The following TMEM115 variants were observed in gnomAD, a reference collection of about 807,000 sequenced individuals.
TMEM115 encodes the protein PP6.
TMEM115 carries 8 observed loss-of-function variants against 20.1 expected under a neutral mutation model. The ratio of observed to expected loss-of-function variants is 0.40; its 90% CI spans 0.23 to 0.72. The LOEUF (loss-of-function observed/expected upper bound fraction) is 0.72. Among genes scored for constraint, TMEM115 ranks in the 30% least tolerant of loss-of-function variants. The probability of loss-of-function intolerance (pLI) is 0.39; values close to 1 mark genes in which losing one functional copy is unlikely to be tolerated. For missense variants in TMEM115, 374 were observed against 455.1 expected, an observed-to-expected ratio of 0.82 and a Z score of 1.62; for synonymous variants, 229 against 206.2, an observed-to-expected ratio of 1.11 and a Z score of -0.95.
In TMEM115 at chr3:50,358,841, C is replaced by A; in HGVS notation, c.223G>T (p.Val75Leu). Residue 75 changes from valine to leucine, a missense_variant, in exon 1 of 2, where the codon GTG becomes TTG. Val to Leu is a conservative substitution (Grantham distance 32). Coordinates refer to ENST00000266025, the MANE Select transcript of TMEM115 (RefSeq NM_007024.5). ...HGLMEQHVWD[V>L]AISLTTVVVA... ...ACCACCGTTGTCAGGCTGATGGCCA[C>A]GTCCCACACATGCTGCTCCATCAGC... The A allele has an allele frequency of 6.2e-7, 1 of 1,613,292 alleles. No homozygotes were observed. The highest frequency in any genetic ancestry group is 1.3e-5 in the African/African-American group (1 of 75,064).
At position 50,358,807 on chromosome 3, in the gene TMEM115, C is replaced by T. The variant is rs774126700; in HGVS notation, c.257G>A (p.Gly86Glu). The T allele has an allele frequency of 6.2e-7, 1 of 1,613,248 alleles. No homozygotes were observed. The highest frequency in any genetic ancestry group is 8.5e-7 in the Non-Finnish European group (1 of 1,180,036). ...AISLTTVVVA[G>E]RLLEPLWGAL... ...CCCCCAGAGGGGCTCCAGCAAACGC[C>T]CGGCCACCACCACCGTTGTCAGGCT... The change falls in exon 1 of 2, where the codon GGG becomes GAG. Residue 86 changes from glycine to glutamate, a missense_variant. Gly to Glu is a moderately conservative substitution (Grantham distance 98). Transcript: ENST00000266025.
rs1703848978 is a variant in TMEM115 at position 50,355,230 on chromosome 3, A to G, written c.*113T>C. The G allele has an allele frequency of 9.0e-6, 7 of 773,606 alleles. No individual in the cohort carries two copies. The highest frequency in any genetic ancestry group is 1.2e-5 in the Non-Finnish European group (6 of 508,320). The allele number at this position is 773,606 out of a possible 1,614,324, so 47.9% of individuals were successfully genotyped here. ...CGAGAAACAGCAGAAGGCCATGGAA[A>G]GCCCCAGCAGGCCTTCTTCCCTCTC... On this transcript the variant is annotated 3_prime_UTR_variant, in exon 2 of 2. Coordinates refer to ENST00000266025, the MANE Select transcript of TMEM115 (RefSeq NM_007024.5).
intron 1 of TMEM115, 133 bp downstream of exon 1, chr3:50,358,080 T>C (rs1050643002): frequency 5.2e-5 from 67 of 1,279,302 alleles, no homozygotes; most frequent in Admixed American, 1.1e-4. Flanking sequence ...CAAAGACTGA[T>C]TTTGTCTTTC....
rs1403030792 is a variant in TMEM115, at chr3:50,359,479, C to T, written c.-416G>A. The T allele has an allele frequency of 5.9e-6, 1 of 168,392 alleles. No homozygotes were observed. Among genetic ancestry groups the T allele is most frequent in the Non-Finnish European group, 1.3e-5 (1 of 77,862 alleles). The allele number at this position is 168,392 out of a possible 1,614,324, so 10.4% of individuals were successfully genotyped here. A position where few individuals can be genotyped will look rare whatever the true frequency, so the allele number is the denominator to read the frequency against. On this transcript the variant is annotated 5_prime_UTR_variant, in exon 1 of 2. Coordinates refer to ENST00000266025, the MANE Select transcript of TMEM115 (RefSeq NM_007024.5). ...AGCTCCCGCTCGGCCTGGCTCCTGG[C>T]TTCGACCGTACCTCTTCTCTCGGGG...
Position 50,359,253 on chromosome 3 carries a change from G to T in TMEM115, c.-190C>A. On this transcript the variant is annotated 5_prime_UTR_variant, in exon 1 of 2. Coordinates refer to ENST00000266025, the MANE Select transcript of TMEM115 (RefSeq NM_007024.5). ...GGGCCGAGTCGGGCCTTGTTGCCGG[G>T]CCGCAGCGTAGGCCCCTCGCCCGGG... 2 of 965,200 alleles carry T rather than the reference G, an allele frequency of 2.1e-6. No homozygotes were observed. The highest frequency in any genetic ancestry group is 3.0e-6 in the Non-Finnish European group (2 of 674,378). 59.8% of individuals were successfully genotyped at this position (965,200 alleles called of 1,614,324 possible). A position where few individuals can be genotyped will look rare whatever the true frequency, so the allele number is the denominator to read the frequency against.
rs866789977 is a variant in TMEM115 at position 50,355,480 on chromosome 3, T to G, written c.919A>C (p.Met307Leu). 1.9e-6 allele frequency: 3 copies of G among 1,609,458 alleles called. 1 individual carries two copies. Residue 307 changes from methionine to leucine, a missense_variant, in exon 2 of 2, where the codon ATG (methionine) becomes CTG (leucine). Physicochemically the swap from Met to Leu is conservative, Grantham distance 15. Coordinates refer to ENST00000266025, the MANE Select transcript of TMEM115 (RefSeq NM_007024.5). ...RVEDQSIWPS[M>L]DDDEEESGAK... Reference sequence around the variant, plus strand: ...CCAGACTCCTCTTCATCATCATCCATGCTGGGCCAGATGGACTGGTCTTCC... The same window carrying G: ...CCAGACTCCTCTTCATCATCATCCAGGCTGGGCCAGATGGACTGGTCTTCC...
chr3:50,358,157 T>C (rs1203618441), intron 1 of TMEM115, 56 bp downstream of exon 1: 45 of 1,586,934 alleles, frequency 2.8e-5, no homozygotes, highest in Admixed American at 1.2e-4. Context: ...ACAGATGGCA[T>C]GTGACTCGAC....
At chr3:50,355,785 C>A (rs938012626) in intron 1 of TMEM115, among the ~76,000 whole-genome samples, 2 of 152,204 alleles carry the variant, frequency 1.3e-5, no homozygotes, top group Non-Finnish European at 2.9e-5. Flanking sequence ...GAGGCACCTC[C>A]GGGATGGGAA....
chr3:50,355,687 A>C, intron 1 of TMEM115, 140 bp from the exon 2 acceptor site: 3 of 666,790 alleles, frequency 4.5e-6, no homozygotes. Context: ...CACCATGCAG[A>C]GCCTGGGACT....
Position 50,358,649 on chromosome 3 carries a change from A to G in TMEM115, c.415T>C (p.Leu139=), listed in dbSNP as rs2109381215. The part of the protein sequence containing the change: ...YLFTVRIHGA[L]GFLGGVLVAL... The stretch of plus-strand genomic sequence containing the variant: ...ACCAGGACGCCACCTAGGAAGCCCA[A>G]GGCGCCGTGGATACGGACAGTGAAC... The change falls in exon 1 of 2, where the codon TTG becomes CTG. Residue 139 remains leucine, a synonymous_variant. Coordinates refer to ENST00000266025, the MANE Select transcript of TMEM115 (RefSeq NM_007024.5). The G allele has an allele frequency of 1.2e-6, 2 of 1,613,144 alleles. No homozygotes were observed. The highest frequency in any genetic ancestry group is 1.1e-5 in the South Asian group (1 of 91,080).
At position 50,359,042 on chromosome 3, in the gene TMEM115, C is replaced by A. The variant is rs747715818; in HGVS notation, c.22G>T (p.Ala8Ser). The A allele has an allele frequency of 1.3e-6, 2 of 1,553,030 alleles. No homozygotes were observed. Among genetic ancestry groups the A allele is most frequent in the South Asian group, 2.4e-5 (2 of 84,764 alleles). Residue 8 changes from alanine to serine, a missense_variant, in exon 1 of 2, where the codon GCC becomes TCC. Ala to Ser is a moderately conservative substitution (Grantham distance 99, BLOSUM62 1). Transcript: ENST00000266025. ...AGAATGGCCCCCAAGTGCTGGCGGGCGCCTGGCAGGGCACGTTGCATCTTC... is the reference window on the plus strand; with the variant it reads ...AGAATGGCCCCCAAGTGCTGGCGGGAGCCTGGCAGGGCACGTTGCATCTTC... MQRALPG[A>S]RQHLGAILAS...
At position 50,358,535 on chromosome 3, in the gene TMEM115, G is replaced by A. The variant is rs1174388347; in HGVS notation, c.529C>T (p.Leu177=). The A allele has an allele frequency of 6.2e-7, 1 of 1,611,322 alleles. No individual in the cohort carries two copies. The highest frequency in any genetic ancestry group is 8.5e-7 in the Non-Finnish European group (1 of 1,179,220). ...AGCGTGGCGAGCCGCAGCAGGAGCA[G>A]CAGCGCCAGCAGCAGCATGGGCATC... The part of the protein sequence containing the change: ...SVMPMLLLAL[L]LLLRLATLLQ... Residue 177 remains leucine, a synonymous_variant, in exon 1 of 2, where the codon CTG becomes TTG. Transcript: ENST00000266025.
In TMEM115 at chr3:50,358,455, T is replaced by C. The variant is rs1178135025; in HGVS notation, c.609A>G (p.Val203=). The C allele has an allele frequency of 1.2e-6, 2 of 1,613,588 alleles. No individual in the cohort carries two copies. Among genetic ancestry groups the C allele is most frequent in the Non-Finnish European group, 1.7e-6 (2 of 1,180,032 alleles). ...TATGGCGCTGGTAGAAGCGAAGATA[T>C]ACCCAACTGGAGAGCAGCCCGAAGC... ...SYGFGLLSSW[V]YLRFYQRHSR... is the part of the protein sequence containing the mutation. The change falls in exon 1 of 2, where the codon GTA becomes GTG. Residue 203 remains valine (V), a synonymous_variant. Transcript: ENST00000266025.
intron 1 of TMEM115, among the ~76,000 whole-genome samples, chr3:50,356,868 C>T (rs1703885120): frequency 6.6e-6 from 1 of 152,000 alleles, no homozygotes; most frequent in East Asian, 1.9e-4. Context: ...TTGACCCTCC[C>T]TTCCTCCCCA....
In TMEM115 at chr3:50,358,971, T is replaced by A. The variant is rs753026314; in HGVS notation, c.93A>T (p.Leu31=). 1 of 1,606,008 alleles carries A rather than the reference T, an allele frequency of 6.2e-7. No homozygotes were observed. Among genetic ancestry groups the A allele is most frequent in the Non-Finnish European group, 8.5e-7 (1 of 1,176,732 alleles). The change falls in exon 1 of 2, where the codon CTA becomes CTT. Residue 31 remains leucine, a synonymous_variant. Transcript: ENST00000266025. ...CGGCGAAGGAGAGCAGGTAGAGGAATAGTACCGCCGCACACAGAGCCTTCA... is the reference window on the plus strand; with the variant it reads ...CGGCGAAGGAGAGCAGGTAGAGGAAAAGTACCGCCGCACACAGAGCCTTCA... ...VVVKALCAAV[L]FLYLLSFAVD...
Position 50,358,476 on chromosome 3 carries a change from G to C in TMEM115, c.588C>G (p.Phe196Leu), listed in dbSNP as rs1357886477. 1.2e-6 allele frequency: 2 copies of C among 1,612,880 alleles called. No individual in the cohort carries two copies. Among genetic ancestry groups the C allele is most frequent in the South Asian group, 2.2e-5 (2 of 91,082 alleles). The change falls in exon 1 of 2, where the codon TTC becomes TTG. Residue 196 changes from phenylalanine (F) to leucine (L), a missense_variant. Physicochemically the swap from Phe to Leu is conservative, Grantham distance 22. Transcript: ENST00000266025. ...LQSPALASYG[F>L]GLLSSWVYLR... ...GATATACCCAACTGGAGAGCAGCCCGAAGCCATAGGAAGCCAGCGCCGGGC... is the reference window on the plus strand; with the variant it reads ...GATATACCCAACTGGAGAGCAGCCCCAAGCCATAGGAAGCCAGCGCCGGGC...
At chr3:50,356,070 G>A (rs587700721) in intron 1 of TMEM115, among the ~76,000 whole-genome samples, 3 of 152,334 alleles carry the variant, frequency 2.0e-5, no homozygotes, top group Non-Finnish European at 4.4e-5. Context: ...CTCAGCCCAG[G>A]AAGCAGGGCC....
Position 50,359,495 on chromosome 3 carries a change from T to A in TMEM115, c.-432A>T. The stretch of plus-strand genomic sequence containing the variant: ...GGCTCCTGGCTTCGACCGTACCTCT[T>A]CTCTCGGGGGGCCGACAAACAGGGG... On this transcript the variant is annotated 5_prime_UTR_variant, in exon 1 of 2. Coordinates refer to ENST00000266025, the MANE Select transcript of TMEM115 (RefSeq NM_007024.5). 6.2e-6 allele frequency: 1 copy of A among 160,870 alleles called. No individual in the cohort carries two copies. Among genetic ancestry groups the A allele is most frequent in the South Asian group, 1.8e-4 (1 of 5,592 alleles). 10.0% of individuals were successfully genotyped at this position (160,870 alleles called of 1,614,324 possible). A position where few individuals can be genotyped will look rare whatever the true frequency, so the allele number is the denominator to read the frequency against.
rs1703857993 is a variant in TMEM115 at position 50,355,667 on chromosome 3, G to A, written c.852-120C>T. The stretch of plus-strand genomic sequence containing the variant: ...CTAGACTCCTCCCCCAGAATCCTAT[G>A]TTTCCCCTTCACCATGCAGAGCCTG... On this transcript the variant is annotated intron_variant, in intron 1 of 1. Coordinates refer to ENST00000266025, the MANE Select transcript of TMEM115 (RefSeq NM_007024.5). 6 of 854,222 alleles carry A rather than the reference G, an allele frequency of 7.0e-6. No homozygotes were observed. The East Asian group carries it at 1.9e-4, about 28-fold the overall frequency. 52.9% of individuals were successfully genotyped at this position (854,222 alleles called of 1,614,324 possible). A position where few individuals can be genotyped will look rare whatever the true frequency, so the allele number is the denominator to read the frequency against.
Sources: allele counts gnomAD v4.1 joint callset (sites outside exome capture counted in the v4.1 genomes callset), GRCh38; gene constraint gnomAD v4.1.1; transcripts MANE v1.5; gene names NCBI Gene and HGNC (gene_info 2026-07-23, HGNC 2026-07-21).